NHLRC2: variants seen among roughly 807,000 people sequenced by gnomAD.
The protein encoded by NHLRC2 is NHL repeat-containing protein 2.
Under a neutral mutation model 68.1 loss-of-function variants are expected in NHLRC2, and 33 were observed. The ratio of observed to expected loss-of-function variants is 0.48; its 90% CI spans 0.37 to 0.65. NHLRC2 has a LOEUF of 0.65. Among genes scored for constraint, NHLRC2 ranks in the 30% least tolerant of loss-of-function variants. The probability of loss-of-function intolerance (pLI) is 0.00; values close to 1 mark genes in which losing one functional copy is unlikely to be tolerated. For synonymous variants in NHLRC2, 311 were observed against 309.6 expected (o/e 1.00, Z -0.05); for missense variants, 761 against 853.8 (o/e 0.89, Z 1.35).
intron 3 of NHLRC2, among the ~76,000 whole-genome samples, chr10:113,879,181 G>A (rs1480310874): frequency 6.6e-6 from 1 of 152,056 alleles, no homozygotes; most frequent in Non-Finnish European, 1.5e-5. Context: ...ACAACAATTT[G>A]GCCATGTGTA....
Position 113,908,480 on chromosome 10 carries a change from A to C in NHLRC2, c.2125A>C (p.Ile709Leu). 1 of 1,614,106 alleles carries C rather than the reference A, an allele frequency of 6.2e-7. No homozygotes were observed. Among genetic ancestry groups the C allele is most frequent in the South Asian group, 1.1e-5 (1 of 91,080 alleles). ...KAILFSQPLQITDTQQGCIAP... is the reference protein window; with the variant it reads ...KAILFSQPLQLTDTQQGCIAP... ...AATTTTGTTCAGTCAGCCTTTACAA[A>C]TAACGGATACACAGCAAGGTTGCAT... Residue 709 changes from isoleucine (I) to leucine (L), a missense_variant, in exon 11 of 11, where the codon ATA (isoleucine) becomes CTA (leucine). Transcript: ENST00000369301.
At chr10:113,902,908 A>G (rs904730442) in intron 8 of NHLRC2, among the ~76,000 whole-genome samples, 4 of 152,224 alleles carry the variant, frequency 2.6e-5, no homozygotes, top group African/African-American at 9.6e-5. Context: ...GGAAATTTAT[A>G]TGTCATCTAA....
chr10:113,887,678 G>A (rs1272512584), intron 5 of NHLRC2, among the ~76,000 whole-genome samples: 8 of 152,012 alleles, frequency 5.3e-5, no homozygotes, highest in African/African-American at 1.9e-4. Context: ...AGGCTGAGGT[G>A]GGAGAATCAC....
rs1447074443 is a variant in NHLRC2, at chr10:113,915,314, C to T, written c.*6778C>T. The T allele has an allele frequency of 2.3e-6, 1 of 440,980 alleles. No homozygotes were observed. Among genetic ancestry groups the T allele is most frequent in the Non-Finnish European group, 4.6e-6 (1 of 219,254 alleles). 27.3% of individuals were successfully genotyped at this position (440,980 alleles called of 1,614,324 possible). A position where few individuals can be genotyped will look rare whatever the true frequency, so the allele number is the denominator to read the frequency against. On this transcript the variant is annotated 3_prime_UTR_variant, in exon 11 of 11. Coordinates refer to ENST00000369301, the MANE Select transcript of NHLRC2 (RefSeq NM_198514.4). ...AGCACTAAACAAGCACAAATGAACA[C>T]TAAATAGCCTTATACCAAAAAGCAT...
intron 2 of NHLRC2, 76 bp from the exon 3 acceptor site, chr10:113,876,445 C>T: frequency 3.6e-6 from 3 of 826,326 alleles, no homozygotes; most frequent in South Asian, 2.2e-5. Context: ...ATTTGTGATC[C>T]AAAACCTAAT....
At chr10:113,898,654 A>G (rs550125520) in intron 6 of NHLRC2, among the ~76,000 whole-genome samples, 163 of 152,286 alleles carry the variant, frequency 1.1e-3, no homozygotes, top group Non-Finnish European at 2.0e-3. Flanking sequence ...TATTCAGTGG[A>G]CCCTTATCTT....
At chr10:113,886,748 A>G (rs1589543506) in intron 5 of NHLRC2, among the ~76,000 whole-genome samples, 1 of 152,158 alleles carries the variant, frequency 6.6e-6, no homozygotes. Flanking sequence ...AAGACTCACA[A>G]GGCCTGAAAT....
chr10:113,873,096 C>T (rs557237300), intron 2 of NHLRC2, among the ~76,000 whole-genome samples: 8 of 152,222 alleles, frequency 5.3e-5, no homozygotes, highest in East Asian at 1.9e-4. Flanking sequence ...TCACAAATAA[C>T]GTACAAAGCA....
At chr10:113,860,606 A>G (rs1845806229) in intron 2 of NHLRC2, among the ~76,000 whole-genome samples, 1 of 152,202 alleles carries the variant, frequency 6.6e-6, no homozygotes, top group Admixed American at 6.5e-5. Context: ...CCTGATACAT[A>G]TCTATGAGAC....
chr10:113,890,989 T>C (rs1217389248), intron 5 of NHLRC2, among the ~76,000 whole-genome samples: 1 of 152,082 alleles, frequency 6.6e-6, no homozygotes, highest in African/African-American at 2.4e-5. Flanking sequence ...CCAGATCTCG[T>C]AAGAACTCAT....
In NHLRC2 at chr10:113,856,771, A is replaced by G. The variant is rs1468914080; in HGVS notation, c.178+1721A>G. 7.9e-5 allele frequency among the ~76,000 whole-genome samples: 12 copies of G among 152,388 alleles called. No homozygotes were observed. In the East Asian group the frequency reaches 1.5e-3, roughly 20 times the overall value. ...TCCTGGACCCGATTATTGAGGACAG[A>G]ATGCTAGAAATGACTGTTTTCTTGG... On this transcript the variant is annotated intron_variant, in intron 1 of 10. Transcript: ENST00000369301.
intron 5 of NHLRC2, among the ~76,000 whole-genome samples, chr10:113,886,999 T>C (rs1444793552): frequency 6.6e-6 from 1 of 152,134 alleles, no homozygotes; most frequent in Non-Finnish European, 1.5e-5. Flanking sequence ...ATCCAAAATA[T>C]GTAAGGAACT....
intron 9 of NHLRC2, 142 bp downstream of exon 9, chr10:113,903,878 G>A: frequency 1.6e-6 from 1 of 610,418 alleles, no homozygotes; most frequent in Non-Finnish European, 3.0e-6. Context: ...CTTTGACAAA[G>A]AGACCAGCAG....
At chr10:113,873,430 T>C (rs760804607) in intron 2 of NHLRC2, among the ~76,000 whole-genome samples, 1 of 152,170 alleles carries the variant, frequency 6.6e-6, no homozygotes, top group Non-Finnish European at 1.5e-5. Context: ...GGTATAATAA[T>C]GAGAGAACTA....
At chr10:113,894,930 C>T (rs529584446) in intron 5 of NHLRC2, among the ~76,000 whole-genome samples, 1 of 152,052 alleles carries the variant, frequency 6.6e-6, no homozygotes, top group East Asian at 1.9e-4. Flanking sequence ...TATAATCCAC[C>T]TGTGCTATAT....
At chr10:113,895,992 C>T (rs909561163) in intron 5 of NHLRC2, among the ~76,000 whole-genome samples, 1 of 152,040 alleles carries the variant, frequency 6.6e-6, no homozygotes, top group Non-Finnish European at 1.5e-5. Flanking sequence ...GTTAGAATGG[C>T]GATCATTAAA....
chr10:113,902,787 C>T (rs1846240088), intron 8 of NHLRC2, among the ~76,000 whole-genome samples, 194 bp downstream of exon 8: 1 of 152,150 alleles, frequency 6.6e-6, no homozygotes, highest in Non-Finnish European at 1.5e-5. Flanking sequence ...GTATTCTGAA[C>T]TAGGGAAAGC....
intron 3 of NHLRC2, among the ~76,000 whole-genome samples, chr10:113,879,240 A>G (rs1032610950): frequency 6.6e-6 from 1 of 152,158 alleles, no homozygotes; most frequent in Non-Finnish European, 1.5e-5. Context: ...TCCAAGGAGC[A>G]TATCTTTCAA....
At chr10:113,862,442 A>G (rs1411597585) in intron 2 of NHLRC2, among the ~76,000 whole-genome samples, 1 of 152,082 alleles carries the variant, frequency 6.6e-6, no homozygotes. Context: ...TGAAATAAGA[A>G]AAGAATTTAA....
Sources: gnomAD v4.1 joint callset for allele counts (sites outside exome capture counted in the v4.1 genomes callset) on GRCh38, gnomAD v4.1.1 for gene constraint, MANE v1.5 for transcripts, NCBI Gene and HGNC (gene_info 2026-07-23, HGNC 2026-07-21) for gene names.